The following GAS2L3 variants were observed in gnomAD, a reference collection of about 807,000 sequenced individuals.
GAS2L3 encodes growth arrest specific 2 like 3.
In GAS2L3, 28 loss-of-function variants were observed where a neutral mutation model predicts 37.0. That is an observed-to-expected ratio of 0.76 (90% CI 0.56 to 1.04). The LOEUF is 1.04. Among genes scored for constraint, GAS2L3 ranks in the 50% least tolerant of loss-of-function variants. The probability of loss-of-function intolerance (pLI) is 0.00; values close to 1 mark genes in which losing one functional copy is unlikely to be tolerated. For synonymous variants in GAS2L3, 290 were observed against 296.6 expected (o/e 0.98, Z 0.23); for missense variants, 793 against 817.6 (o/e 0.97, Z 0.37).
At chr12:100,587,435 G>T (rs562614197) in intron 1 of GAS2L3, among the ~76,000 whole-genome samples, 1 of 152,140 alleles carries the variant, frequency 6.6e-6, no homozygotes, top group Non-Finnish European at 1.5e-5. Context: ...TAACATATGC[G>T]AGTCAGTAAA....
intron 6 of GAS2L3, 111 bp downstream of exon 6, chr12:100,612,252 C>T: frequency 1.2e-6 from 1 of 825,746 alleles, no homozygotes; most frequent in Non-Finnish European, 2.0e-6. Flanking sequence ...ATCTCATTTT[C>T]CTAGAAAAAT....
At position 100,592,033 on chromosome 12, in the gene GAS2L3, G is replaced by A. The variant is rs975173542; in HGVS notation, c.-31+177G>A. 4.6e-5 allele frequency among the ~76,000 whole-genome samples: 7 copies of A among 152,000 alleles called. No homozygotes were observed. In the South Asian group the frequency reaches 1.2e-3, roughly 27 times the overall value. ...TTCTTCAACTATTTTTCTAAATGAA[G>A]CATTAAAAAAGGATGAAATATTTTG... On this transcript the variant is annotated intron_variant, in intron 2 of 9. Coordinates refer to ENST00000547754, the MANE Select transcript of GAS2L3 (RefSeq NM_174942.3).
rs1956346600 is a variant in GAS2L3 at position 100,627,832 on chromosome 12, G to A, written c.*2942G>A. 6.6e-6 allele frequency: 1 copy of A among 152,154 alleles called. No individual in the cohort carries two copies. Among genetic ancestry groups the A allele is most frequent in the South Asian group, 2.1e-4 (1 of 4,816 alleles). The allele number at this position is 152,154 out of a possible 1,614,324, so 9.4% of individuals were successfully genotyped here. A position where few individuals can be genotyped will look rare whatever the true frequency, so the allele number is the denominator to read the frequency against. On this transcript the variant is annotated 3_prime_UTR_variant, in exon 10 of 10. Coordinates refer to ENST00000547754, the MANE Select transcript of GAS2L3 (RefSeq NM_174942.3). ...TGAAGTACCTGGGAGAAGTAATGAT[G>A]TGTACTTTCAAAAAAATGGAAAATG... is the stretch of plus-strand genomic sequence containing the variant.
At position 100,579,802 on chromosome 12, in the gene GAS2L3, C is replaced by A. The variant is rs562300469; in HGVS notation, c.-152+6017C>A. On this transcript the variant is annotated intron_variant, in intron 1 of 9. Coordinates refer to ENST00000547754, the MANE Select transcript of GAS2L3 (RefSeq NM_174942.3). Reference sequence around the variant, plus strand: ...ATTTTATGAGAAACTTCAGTAAAATCTTTGTGTGAGGGATTGGAAAAAGCT... The same window carrying A: ...ATTTTATGAGAAACTTCAGTAAAATATTTGTGTGAGGGATTGGAAAAAGCT... 3 of 719,404 alleles carry A rather than the reference C, an allele frequency of 4.2e-6. No homozygotes were observed. In the African/African-American group the frequency reaches 5.3e-5, roughly 13 times the overall value. The allele number at this position is 719,404 out of a possible 1,614,324, so 44.6% of individuals were successfully genotyped here.
chr12:100,617,996 A>G (rs751691347), intron 7 of GAS2L3, among the ~76,000 whole-genome samples, 189 bp downstream of exon 7: 1 of 152,166 alleles, frequency 6.6e-6, no homozygotes, highest in Non-Finnish European at 1.5e-5. Flanking sequence ...CGAGTTCTCA[A>G]TATAGCTTGT....
rs1956024472 is a variant in GAS2L3 at position 100,603,966 on chromosome 12, T to G, written c.303+2213T>G. ...GTTATCTGGATTTATTTCTGGGTTT[T>G]CTTTTCTGTTCCATTGGTCTGTGTC... On this transcript the variant is annotated intron_variant, in intron 5 of 9. Transcript: ENST00000547754. 2.6e-5 allele frequency among the ~76,000 whole-genome samples: 4 copies of G among 152,092 alleles called. No individual in the cohort carries two copies. In the South Asian group the frequency reaches 8.3e-4, roughly 32 times the overall value.
chr12:100,574,343 C>T (rs1433667068), intron 1 of GAS2L3, among the ~76,000 whole-genome samples: 3 of 152,038 alleles, frequency 2.0e-5, no homozygotes, highest in African/African-American at 2.4e-5. Context: ...GTTTTTTCTC[C>T]CAGTCCATGC....
At position 100,595,802 on chromosome 12, in the gene GAS2L3, CAT is replaced by C. The variant is rs1350175843; in HGVS notation, c.18+881_18+882del. ...TAGTTTTGAGGAATCAATGAGATAA[CAT>C]GTGCAAATGGACTGCTAGAATATAT... On this transcript the variant is annotated intron_variant, in intron 3 of 9. Coordinates refer to ENST00000547754, the MANE Select transcript of GAS2L3 (RefSeq NM_174942.3). Among the ~76,000 whole-genome samples, 4 of 151,978 alleles carry C rather than the reference CAT, an allele frequency of 2.6e-5. 1 individual carries two copies. In the South Asian group the frequency reaches 6.2e-4, roughly 24 times the overall value.
intron 1 of GAS2L3, among the ~76,000 whole-genome samples, chr12:100,574,159 G>A (rs1436330555): frequency 3.9e-5 from 6 of 152,202 alleles, no homozygotes; most frequent in African/African-American, 1.4e-4. Flanking sequence ...ATCAGAGCCC[G>A]AAGGTACTGT....
Position 100,600,379 on chromosome 12 carries a change from TAGGTATGG to T in GAS2L3, c.19-2_24del. The stretch of plus-strand genomic sequence containing the variant: ...TCAGTTGATTGATTTTTTTTTTCTT[TAGGTATGG>T]TTTGGAGAAGATCTGCCTCTAAGTC... On this transcript the variant is annotated splice_acceptor_variant and coding_sequence_variant, in exon 4 of 10. Transcript: ENST00000547754. LOFTEE classifies it high-confidence loss of function. 2 of 1,560,570 alleles carry T rather than the reference TAGGTATGG, an allele frequency of 1.3e-6. No individual in the cohort carries two copies. The highest frequency in any genetic ancestry group is 1.2e-5 in the South Asian group (1 of 84,186).
Position 100,624,081 on chromosome 12 carries a change from C to T in GAS2L3, c.1276C>T (p.Pro426Ser). Residue 426 changes from proline to serine, a missense_variant, in exon 10 of 10, where the codon CCT becomes TCT. Coordinates refer to ENST00000547754, the MANE Select transcript of GAS2L3 (RefSeq NM_174942.3). ...TTCACCAGCTTTACCAAGAACTGCACCTTGTATATCTGAGTCACCGAGAAA... is the reference window on the plus strand; with the variant it reads ...TTCACCAGCTTTACCAAGAACTGCATCTTGTATATCTGAGTCACCGAGAAA... ...TSSPALPRTAPCISESPRKCI... is the reference protein window; with the variant it reads ...TSSPALPRTASCISESPRKCI... The T allele has an allele frequency of 6.2e-7, 1 of 1,613,976 alleles. No individual in the cohort carries two copies. Among genetic ancestry groups the T allele is most frequent in the Non-Finnish European group, 8.5e-7 (1 of 1,179,974 alleles).
At chr12:100,602,973 T>C (rs1453860333) in intron 5 of GAS2L3, among the ~76,000 whole-genome samples, 1 of 152,210 alleles carries the variant, frequency 6.6e-6, no homozygotes, top group African/African-American at 2.4e-5. Context: ...AATGACAGGA[T>C]CTCAGTCTTT....
intron 7 of GAS2L3, among the ~76,000 whole-genome samples, 189 bp from the exon 8 acceptor site, chr12:100,618,260 A>G (rs933466562): frequency 1.3e-5 from 2 of 152,192 alleles, no homozygotes; most frequent in Non-Finnish European, 2.9e-5. Flanking sequence ...ATGTGCTATG[A>G]TGTGAGGACT....
chr12:100,603,488 A>G (rs112352193), intron 5 of GAS2L3, among the ~76,000 whole-genome samples: 2,882 of 152,180 alleles, frequency 0.019, 76 homozygotes, highest in African/African-American at 0.06. Flanking sequence ...TTGGATTATT[A>G]GATTTTATCC....
rs1955767592 is a variant in GAS2L3 at position 100,585,407 on chromosome 12, C to G, written c.-151-6329C>G. Among the ~76,000 whole-genome samples the G allele has an allele frequency of 3.3e-5, 5 of 152,044 alleles. No individual in the cohort carries two copies. In the South Asian group the frequency reaches 1.0e-3, roughly 32 times the overall value. On this transcript the variant is annotated intron_variant, in intron 1 of 9. Coordinates refer to ENST00000547754, the MANE Select transcript of GAS2L3 (RefSeq NM_174942.3). ...AGTAGCTGGGATTACAGGTGCCCAC[C>G]ACCACACCTGGCTAATTTTTGTATT...
intron 1 of GAS2L3, among the ~76,000 whole-genome samples, chr12:100,583,613 A>G (rs1955741376): frequency 6.6e-6 from 1 of 152,104 alleles, no homozygotes; most frequent in African/African-American, 2.4e-5. Context: ...CTGGAACTAC[A>G]GGTGTGTGCC....
Position 100,623,544 on chromosome 12 carries a change from GT to G in GAS2L3, c.757-14del, listed in dbSNP as rs776517616. Reference sequence around the variant, plus strand: ...TCACAGTATTACAGCTTTACTTTTTGTTTTCCTTTGGGGGCAGATGCTTCAT... The same window carrying G: ...TCACAGTATTACAGCTTTACTTTTTGTTTCCTTTGGGGGCAGATGCTTCAT... On this transcript the variant is annotated splice_polypyrimidine_tract_variant and intron_variant, in intron 9 of 9. Transcript: ENST00000547754. 20 of 1,566,994 alleles carry G rather than the reference GT, an allele frequency of 1.3e-5. No individual in the cohort carries two copies. The highest frequency in any genetic ancestry group is 2.0e-5 in the Admixed American group (1 of 50,416).
At chr12:100,618,399 G>A in intron 7 of GAS2L3, 50 bp from the exon 8 acceptor site, 1 of 1,561,562 alleles carries the variant, frequency 6.4e-7, no homozygotes, top group Non-Finnish European at 8.7e-7. Context: ...ATGCAGGCAA[G>A]TACTGGGTCA....
At chr12:100,592,179 C>G (rs538608483) in intron 2 of GAS2L3, among the ~76,000 whole-genome samples, 2 of 152,130 alleles carry the variant, frequency 1.3e-5, no homozygotes, top group South Asian at 4.2e-4. Flanking sequence ...GGTCATTTTC[C>G]TCTCTCTTCC....
Sources: allele counts gnomAD v4.1 joint callset (sites outside exome capture counted in the v4.1 genomes callset), GRCh38; gene constraint gnomAD v4.1.1; transcripts MANE v1.5; gene names NCBI Gene and HGNC (gene_info 2026-07-23, HGNC 2026-07-21).